Variants in BAIAP3 observed in about 807,000 individuals in gnomAD.
The protein encoded by BAIAP3 is BAI1 associated protein 3.
In BAIAP3, 180 loss-of-function variants were observed where a neutral mutation model predicts 149.7. The observed-to-expected ratio is 1.20, with a 90% CI of 1.07 to 1.36. BAIAP3 has a LOEUF of 1.36. Ranked by LOEUF, BAIAP3 falls within the 40% of genes most tolerant of loss-of-function variation. BAIAP3 has a pLI of 0.00. For missense variants in BAIAP3, 1,767 were observed against 1,563.4 expected (o/e 1.13, Z -2.20); for synonymous variants, 845 against 670.7 (o/e 1.26, Z -4.02).
At chr16:1,336,261 T>G in intron 1 of BAIAP3, 1 of 985,174 alleles carries the variant, frequency 1.0e-6, no homozygotes, top group Non-Finnish European at 1.2e-6. Context: ...GAAGGGGGCT[T>G]GTGACTCCCA....
intron 28 of BAIAP3, 154 bp downstream of exon 28, chr16:1,347,109 G>A: frequency 1.2e-6 from 1 of 868,338 alleles, no homozygotes; most frequent in Non-Finnish European, 1.8e-6. Flanking sequence ...ATGCCGAGGT[G>A]TGGCCTCTGG....
At chr16:1,334,075 C>A (rs912557978) in intron 1 of BAIAP3, among the ~76,000 whole-genome samples, 1 of 151,812 alleles carries the variant, frequency 6.6e-6, no homozygotes, top group African/African-American at 2.4e-5. Context: ...CGCACTTGAG[C>A]CGCCAAGCGA....
At chr16:1,343,213 G>C in intron 14 of BAIAP3, 180 bp from the exon 15 acceptor site, 1 of 1,134,022 alleles carries the variant, frequency 8.8e-7, no homozygotes, top group African/African-American at 1.5e-5. Context: ...CAGCGAAAGG[G>C]GCGGTGCCAT....
chr16:1,338,403 C>T (rs1398844082), intron 1 of BAIAP3, 137 bp from the exon 2 acceptor site: 31 of 1,151,602 alleles, frequency 2.7e-5, no homozygotes, highest in East Asian at 1.1e-4. Context: ...AGGTGCCCAG[C>T]GCCATCCAGG....
intron 2 of BAIAP3, 55 bp downstream of exon 2, chr16:1,338,735 T>C: frequency 6.4e-7 from 1 of 1,561,220 alleles, no homozygotes; most frequent in Non-Finnish European, 8.7e-7. Flanking sequence ...CCCGCCAGAC[T>C]TCACACATGG....
chr16:1,347,491 C>G, intron 29 of BAIAP3, 54 bp from the exon 30 acceptor site: 1 of 1,559,298 alleles, frequency 6.4e-7, no homozygotes, highest in East Asian at 2.4e-5. Context: ...TCTCCAAGTG[C>G]CAGCGCTGAC....
At chr16:1,347,100 T>G in intron 28 of BAIAP3, 145 bp downstream of exon 28, 2 of 885,370 alleles carry the variant, frequency 2.3e-6, no homozygotes, top group South Asian at 3.3e-5. Context: ...CTCCCGTTAA[T>G]GCCGAGGTGT....
At chr16:1,343,193 G>A in intron 14 of BAIAP3, 177 bp downstream of exon 14, 1 of 1,069,606 alleles carries the variant, frequency 9.3e-7, no homozygotes, top group Non-Finnish European at 1.3e-6. Context: ...GGTGCTACGG[G>A]TAGGTGAGGC....
chr16:1,340,889 C>T, intron 5 of BAIAP3, 33 bp from the exon 6 acceptor site: 1 of 1,552,680 alleles, frequency 6.4e-7, no homozygotes, highest in Non-Finnish European at 8.7e-7. Context: ...TCAGGGGTTG[C>T]CTAGGCCCTG....
At position 1,348,095 on chromosome 16, in the gene BAIAP3, G is replaced by A. The variant is rs565886302; in HGVS notation, c.3150-1G>A. ...GACTCCCGACTGGCCTCTGTCCGCA[G>A]TTCCGTGCCTGCCGAGGCGTGCCGC... On this transcript the variant is annotated splice_acceptor_variant, in intron 32 of 33. Transcript: ENST00000426824. LOFTEE classifies it high-confidence loss of function. 7 of 1,602,330 alleles carry A rather than the reference G, an allele frequency of 4.4e-6. No homozygotes were observed. The African/African-American group carries it at 9.3e-5, about 21-fold the overall frequency.
Position 1,341,442 on chromosome 16 carries a change from G to GGT in BAIAP3, c.686_687dup (p.Lys230Ter). 6.2e-7 allele frequency: 1 copy of GGT among 1,612,634 alleles called. No homozygotes were observed. Among genetic ancestry groups the GGT allele is most frequent in the Non-Finnish European group, 8.5e-7 (1 of 1,179,882 alleles). On this transcript the variant is annotated frameshift_variant, in exon 8 of 34. Coordinates refer to ENST00000426824, the MANE Select transcript of BAIAP3 (RefSeq NM_001199097.2). LOFTEE classifies it high-confidence loss of function. ...CTGCCAAGTGCATCCAGGTCACCGAGGTGAAGAGCAGCACCCTGAACCCCG... is the reference window on the plus strand; with the variant it reads ...CTGCCAAGTGCATCCAGGTCACCGAGGTGTGAAGAGCAGCACCCTGAACCCCG...
In BAIAP3 at chr16:1,341,311, T is replaced by C; in HGVS notation, c.553T>C (p.Cys185Arg). The part of the protein sequence containing the change: ...KDPNGFSDPY[C>R]MLGILPASDA... ...GTGCCCAGGCTTCAGCGACCCATACTGCATGCTGGGCATCCTGCCTGCCTC... is the reference window on the plus strand; with the variant it reads ...GTGCCCAGGCTTCAGCGACCCATACCGCATGCTGGGCATCCTGCCTGCCTC... Residue 185 changes from cysteine to arginine, a missense_variant, in exon 8 of 34, where the codon TGC becomes CGC. By Grantham distance (180) the Cys-to-Arg change is radical (BLOSUM62 -3). Transcript: ENST00000426824. 1 of 1,611,132 alleles carries C rather than the reference T, an allele frequency of 6.2e-7. No homozygotes were observed. Among genetic ancestry groups the C allele is most frequent in the Non-Finnish European group, 8.5e-7 (1 of 1,179,084 alleles).
chr16:1,334,158 G>T (rs2033306042), intron 1 of BAIAP3, among the ~76,000 whole-genome samples: 1 of 151,998 alleles, frequency 6.6e-6, no homozygotes, highest in South Asian at 2.1e-4. Flanking sequence ...CTCCCGGGCG[G>T]GCTGCACCCC....
intron 1 of BAIAP3, 57 bp from the exon 2 acceptor site, chr16:1,338,483 G>T: frequency 1.6e-6 from 2 of 1,227,656 alleles, no homozygotes; most frequent in Non-Finnish European, 1.1e-6. Flanking sequence ...CGCCTGCTGT[G>T]GTGCACGGAG....
At chr16:1,346,398 C>T (rs1429502383) in intron 25 of BAIAP3, 37 bp downstream of exon 25, 4 of 1,611,338 alleles carry the variant, frequency 2.5e-6, no homozygotes, top group Non-Finnish European at 3.4e-6. Context: ...TGGAGGCAGT[C>T]CCTGGTGCCC....
At chr16:1,338,517 G>A in intron 1 of BAIAP3, 23 bp from the exon 2 acceptor site, 1 of 1,589,582 alleles carries the variant, frequency 6.3e-7, no homozygotes, top group Non-Finnish European at 8.6e-7. Context: ...ACCTGAGGCT[G>A]CGGGCTGTGC....
chr16:1,346,145 C>T (rs372527146), intron 24 of BAIAP3, 25 bp from the exon 25 acceptor site: 14 of 1,608,254 alleles, frequency 8.7e-6, no homozygotes, highest in Non-Finnish European at 1.1e-5. Flanking sequence ...CCGGACCCAT[C>T]GTTGCCTGGC....
At chr16:1,339,712 C>T (rs372152660) in intron 5 of BAIAP3, 109 bp downstream of exon 5, 1 of 876,788 alleles carries the variant, frequency 1.1e-6, no homozygotes, top group Admixed American at 2.1e-5. Flanking sequence ...TCTCCCCGAT[C>T]CGTGCACAGC....
Position 1,342,181 on chromosome 16 carries a change from G to T in BAIAP3, c.855G>T (p.Arg285Ser), listed in dbSNP as rs759778890. Residue 285 changes from arginine to serine, a missense_variant and splice_region_variant, in exon 11 of 34, where the codon AGG becomes AGT. Arg to Ser is a moderately radical substitution (Grantham distance 110). Transcript: ENST00000426824. ...GATGCTCACCACCTGTGGTGGCCAGGTACTTCAAACAGATCGTCAAGTCAG... is the reference window on the plus strand; with the variant it reads ...GATGCTCACCACCTGTGGTGGCCAGTTACTTCAAACAGATCGTCAAGTCAG... ...NEVIGLKGMG[R>S]YFKQIVKSAR... The T allele has an allele frequency of 1.9e-6, 3 of 1,598,504 alleles. No individual in the cohort carries two copies. Among genetic ancestry groups the T allele is most frequent in the South Asian group, 1.1e-5 (1 of 89,978 alleles).
Sources: allele counts gnomAD v4.1 joint callset (sites outside exome capture counted in the v4.1 genomes callset), GRCh38; gene constraint gnomAD v4.1.1; transcripts MANE v1.5; gene names NCBI Gene and HGNC (gene_info 2026-07-23, HGNC 2026-07-21).